The following LRRC34 variants were observed in gnomAD, a reference collection of about 807,000 sequenced individuals.
LRRC34 encodes the protein leucine rich repeat containing 34.
LRRC34 carries 44 observed loss-of-function variants against 48.5 expected under a neutral mutation model. That is an observed-to-expected ratio of 0.91 (90% confidence interval 0.71 to 1.17). LRRC34 has a LOEUF of 1.17. Ranked by LOEUF, LRRC34 falls within the 50% of genes most tolerant of loss-of-function variation. LRRC34 has a pLI of 0.00. For missense variants in LRRC34, 502 were observed against 563.0 expected (o/e 0.89, Z 1.10); for synonymous variants, 192 against 197.6 (o/e 0.97, Z 0.24).
chr3:169,805,900 A>C (rs532711831), intron 5 of LRRC34, among the ~76,000 whole-genome samples: 2 of 151,846 alleles, frequency 1.3e-5, no homozygotes, highest in South Asian at 4.1e-4. Context: ...AAAAAAAAAA[A>C]AAAACTCCCA....
intron 5 of LRRC34, among the ~76,000 whole-genome samples, chr3:169,805,292 T>G (rs1038137464): frequency 3.3e-5 from 5 of 151,110 alleles, no homozygotes; most frequent in African/African-American, 1.2e-4. Context: ...AACACAAGAG[T>G]TCAGCAACAT....
rs757111685 is a variant in LRRC34, at chr3:169,796,896, C to T, written c.757G>A (p.Glu253Lys). ...NRPILYSEQE[E>K]STVHVGRMLK... ...ATGCGGCCTACATGGACTGTAGACT[C>T]TTCCTAAAAGTGGATAAAATCTTAT... The change falls in exon 8 of 11, where the codon GAG (glutamate) becomes AAG (lysine). Residue 253 changes from glutamate (E) to lysine (K), a missense_variant. By Grantham distance (56) the Glu-to-Lys change is moderately conservative (BLOSUM62 1). Coordinates refer to ENST00000446859, the MANE Select transcript of LRRC34 (RefSeq NM_001172779.2). 6.4e-7 allele frequency: 1 copy of T among 1,555,352 alleles called. No individual in the cohort carries two copies. Among genetic ancestry groups the T allele is most frequent in the Admixed American group, 2.0e-5 (1 of 50,254 alleles).
At position 169,812,704 on chromosome 3, in the gene LRRC34, C is replaced by G; in HGVS notation, c.-156G>C. ...CGCCTACTCTGTGGAGGTCCTTTGT[C>G]ACCCTGCCCTGGTTAAAGGCAGCCT... On this transcript the variant is annotated 5_prime_UTR_variant, in exon 1 of 11. Coordinates refer to ENST00000446859, the MANE Select transcript of LRRC34 (RefSeq NM_001172779.2). This position sits in a 1 kb window ranked among gnomAD's most constrained non-coding sequence, Gnocchi z 4.3. The G allele has an allele frequency of 1.7e-5, 20 of 1,146,256 alleles. No homozygotes were observed. Among genetic ancestry groups the G allele is most frequent in the Non-Finnish European group, 2.3e-5 (20 of 867,544 alleles). 71.0% of individuals were successfully genotyped at this position (1,146,256 alleles called of 1,614,324 possible). A position where few individuals can be genotyped will look rare whatever the true frequency, so the allele number is the denominator to read the frequency against.
chr3:169,811,418 A>T (rs965627501), intron 1 of LRRC34, among the ~76,000 whole-genome samples: 5 of 152,248 alleles, frequency 3.3e-5, no homozygotes, highest in African/African-American at 1.2e-4. Context: ...CCTTTGATTT[A>T]AAATTCACCT....
intron 5 of LRRC34, 30 bp from the exon 6 acceptor site, chr3:169,804,211 T>A: frequency 6.5e-7 from 1 of 1,529,224 alleles, no homozygotes; most frequent in Non-Finnish European, 8.9e-7. Context: ...TATTTAATAA[T>A]TGTTAATCCA....
At chr3:169,803,483 G>T (rs556109506) in intron 6 of LRRC34, among the ~76,000 whole-genome samples, 1 of 152,200 alleles carries the variant, frequency 6.6e-6, no homozygotes, top group Admixed American at 6.5e-5. Flanking sequence ...TCACTCTGTC[G>T]CCCAGGGGCT....
chr3:169,804,305 A>ATT, intron 5 of LRRC34, 124 bp from the exon 6 acceptor site: 1 of 766,054 alleles, frequency 1.3e-6, no homozygotes, highest in East Asian at 3.4e-5. Context: ...CACGATATAT[A>ATT]TTTTTTTTGA....
chr3:169,797,905 G>A (rs1024066917), intron 7 of LRRC34, among the ~76,000 whole-genome samples: 1 of 152,104 alleles, frequency 6.6e-6, no homozygotes, highest in Non-Finnish European at 1.5e-5. Context: ...ACAGAAATAA[G>A]TTAACTAATA....
rs200802732 is a variant in LRRC34 at position 169,799,693 on chromosome 3, CATTG to C, written c.753+962_753+965del. ...ATAAAGTTGAGAATTCAAACACTGACATTGATTGATTGATTGATTGATTGATTGA... is the reference window on the plus strand; with the variant it reads ...ATAAAGTTGAGAATTCAAACACTGACATTGATTGATTGATTGATTGATTGA... On this transcript the variant is annotated intron_variant, in intron 7 of 10. Transcript: ENST00000446859. Among the ~76,000 whole-genome samples, 1,241 of 151,952 alleles carry C rather than the reference CATTG, an allele frequency of 8.2e-3. 17 individuals carry two copies. Among genetic ancestry groups the C allele is most frequent in the South Asian group, 0.037 (176 of 4,804 alleles).
At chr3:169,800,847 A>G (rs976640763) in intron 6 of LRRC34, 93 bp from the exon 7 acceptor site, 5 of 812,586 alleles carry the variant, frequency 6.2e-6, no homozygotes, top group Non-Finnish European at 9.5e-6. Context: ...CATTCTGATA[A>G]AATTGTTTTT....
chr3:169,802,836 G>C (rs1779242564), intron 6 of LRRC34, among the ~76,000 whole-genome samples: 1 of 152,052 alleles, frequency 6.6e-6, no homozygotes, highest in Non-Finnish European at 1.5e-5. Flanking sequence ...AATTAGCTGG[G>C]CGTGGTGGCA....
chr3:169,810,800 T>TAA (rs1179356652), intron 1 of LRRC34, among the ~76,000 whole-genome samples: 1 of 152,178 alleles, frequency 6.6e-6, no homozygotes, highest in East Asian at 1.9e-4. Context: ...TGCGGTGGCT[T>TAA]ACGCCTGTAA....
intron 7 of LRRC34, among the ~76,000 whole-genome samples, chr3:169,797,197 G>A (rs1441201192): frequency 5.9e-5 from 9 of 151,452 alleles, no homozygotes; most frequent in African/African-American, 9.7e-5. Context: ...CAGTCATTTC[G>A]AAAGGAAAAA....
chr3:169,811,171 T>C (rs1344865633), intron 1 of LRRC34, among the ~76,000 whole-genome samples: 1 of 152,210 alleles, frequency 6.6e-6, no homozygotes, highest in Non-Finnish European at 1.5e-5. Context: ...CAAATAGAAG[T>C]TGGAGCTGGG....
intron 5 of LRRC34, among the ~76,000 whole-genome samples, chr3:169,805,262 CA>C (rs756472078): frequency 2.0e-5 from 3 of 151,824 alleles, no homozygotes; most frequent in Non-Finnish European, 4.4e-5. Context: ...AGGATTCCAC[CA>C]AAAAAACCTG....
chr3:169,812,619 C>A lies in LRRC34; in HGVS notation c.-71G>T. 7.1e-7 allele frequency: 1 copy of A among 1,407,636 alleles called. No homozygotes were observed. The highest frequency in any genetic ancestry group is 9.2e-7 in the Non-Finnish European group (1 of 1,087,894). The allele number at this position is 1,407,636 out of a possible 1,614,324, so 87.2% of individuals were successfully genotyped here. A position where few individuals can be genotyped will look rare whatever the true frequency, so the allele number is the denominator to read the frequency against. On this transcript the variant is annotated 5_prime_UTR_variant, in exon 1 of 11. Transcript: ENST00000446859. This position sits in a 1 kb window ranked among gnomAD's most constrained non-coding sequence, Gnocchi z 4.3. The stretch of plus-strand genomic sequence containing the variant: ...CTACACGAGCCTCGGCGCCAGCCTG[C>A]TTCGAGTCCCGCTGGCTGTGCCTGC...
intron 4 of LRRC34, 105 bp from the exon 5 acceptor site, chr3:169,807,036 AG>A: frequency 1.8e-6 from 1 of 549,584 alleles, no homozygotes. Flanking sequence ...TATTTGAATA[AG>A]TGTTTTCCTC....
intron 1 of LRRC34, among the ~76,000 whole-genome samples, chr3:169,811,997 T>G (rs1187250639): frequency 6.6e-6 from 1 of 151,752 alleles, no homozygotes; most frequent in African/African-American, 2.4e-5. Flanking sequence ...AGTACAGAGG[T>G]GCAAAGTCAG....
At chr3:169,796,085 C>G (rs1576731948) in intron 9 of LRRC34, 129 bp downstream of exon 9, 1 of 1,349,992 alleles carries the variant, frequency 7.4e-7, no homozygotes, top group East Asian at 2.8e-5. Context: ...TTTACTGTAA[C>G]TTAATACTAT....
Sources: allele counts gnomAD v4.1 joint callset (sites outside exome capture counted in the v4.1 genomes callset), GRCh38; gene constraint gnomAD v4.1.1; non-coding constraint Gnocchi (gnomAD v3.1); transcripts MANE v1.5; gene names NCBI Gene and HGNC (gene_info 2026-07-23, HGNC 2026-07-21).